GABRB3: variants seen among roughly 807,000 people sequenced by gnomAD.
GABRB3 encodes the protein gamma-aminobutyric acid type A receptor subunit beta3.
A neutral mutation model predicts 52.1 loss-of-function variants in GABRB3; 14 were observed. The ratio of observed to expected loss-of-function variants is 0.27; its 90% confidence interval spans 0.18 to 0.42. The LOEUF (loss-of-function observed/expected upper bound fraction) is 0.42. Among genes scored for constraint, GABRB3 ranks in the 10% least tolerant of loss-of-function variants. The probability of loss-of-function intolerance (pLI) is 1.00; values close to 1 mark genes in which losing one functional copy is unlikely to be tolerated. For missense variants in GABRB3, 307 were observed against 609.1 expected, an observed-to-expected ratio of 0.50 and a Z score of 5.22; for synonymous variants, 260 against 232.3, an observed-to-expected ratio of 1.12 and a Z score of -1.08.
chr15:26,608,068 C>T (rs1023355246), intron 4 of GABRB3, among the ~76,000 whole-genome samples: 3 of 138,138 alleles, frequency 2.2e-5, no homozygotes, highest in South Asian at 2.3e-4. Flanking sequence ...AACTATACTA[C>T]AAAGCTATAG....
intron 3 of GABRB3, among the ~76,000 whole-genome samples, chr15:26,692,691 A>G (rs189413807): frequency 6.6e-6 from 1 of 152,320 alleles, no homozygotes; most frequent in Admixed American, 6.5e-5. Flanking sequence ...TTTAGTCACA[A>G]GTCTACATGT....
chr15:26,629,763 T>TA (rs1892861145), intron 3 of GABRB3, among the ~76,000 whole-genome samples: 1 of 152,146 alleles, frequency 6.6e-6, no homozygotes, highest in South Asian at 2.1e-4. Context: ...ACTACAGTCT[T>TA]AGTGGGAGTT....
chr15:26,584,507 T>G (rs1890907296), intron 4 of GABRB3, among the ~76,000 whole-genome samples: 2 of 152,214 alleles, frequency 1.3e-5, no homozygotes, highest in South Asian at 4.1e-4. Context: ...CATCTATCTT[T>G]TCAAAACAAA....
At chr15:26,617,329 G>A (rs4906684) in intron 4 of GABRB3, among the ~76,000 whole-genome samples, 1 of 151,948 alleles carries the variant, frequency 6.6e-6, no homozygotes, top group Non-Finnish European at 1.5e-5. Flanking sequence ...ATAAAGTGGG[G>A]TTCATCCCTG....
chr15:26,703,011 A>C (rs1466405953), intron 3 of GABRB3, among the ~76,000 whole-genome samples: 1 of 152,110 alleles, frequency 6.6e-6, no homozygotes, highest in African/African-American at 2.4e-5. Context: ...CTTTAATCTC[A>C]CATGGTGGAA....
chr15:26,693,272 GC>G (rs1888640881), intron 3 of GABRB3, among the ~76,000 whole-genome samples: 1 of 152,192 alleles, frequency 6.6e-6, no homozygotes, highest in African/African-American at 2.4e-5. Context: ...TTATTGAGTT[GC>G]CTGAATTCAC....
intron 3 of GABRB3, among the ~76,000 whole-genome samples, chr15:26,718,913 G>A (rs1205693627): frequency 6.6e-6 from 1 of 151,610 alleles, no homozygotes; most frequent in African/African-American, 2.4e-5. Context: ...CCCCACACTT[G>A]CTGCTGACAT....
chr15:26,554,102 G>A (rs58123797), intron 8 of GABRB3, among the ~76,000 whole-genome samples: 1,871 of 19,218 alleles, frequency 0.097, 198 homozygotes, highest in African/African-American at 0.3. Context: ...TGTATAAAGT[G>A]TGTGTATATA....
At chr15:26,615,868 G>C in intron 4 of GABRB3, 2 of 1,242,558 alleles carry the variant, frequency 1.6e-6, no homozygotes, top group South Asian at 2.8e-5. Flanking sequence ...CAGTGATACA[G>C]CCAGTCCAAC....
chr15:26,758,448 A>G (rs1387043428), intron 3 of GABRB3, among the ~76,000 whole-genome samples: 1 of 152,248 alleles, frequency 6.6e-6, no homozygotes, highest in Non-Finnish European at 1.5e-5. Context: ...AAGAGAAAAA[A>G]TACTGAGCCA....
At chr15:26,671,314 ACT>A (rs1276241799) in intron 3 of GABRB3, among the ~76,000 whole-genome samples, 1 of 152,224 alleles carries the variant, frequency 6.6e-6, no homozygotes, top group Admixed American at 6.5e-5. Flanking sequence ...TCATTATGCT[ACT>A]CAAGTATCTG....
intron 6 of GABRB3, 21 bp from the exon 7 acceptor site, chr15:26,567,754 T>C: frequency 1.9e-6 from 3 of 1,612,688 alleles, no homozygotes; most frequent in Non-Finnish European, 2.5e-6. Flanking sequence ...CAGACAAGGA[T>C]ATTACACTGG....
At chr15:26,739,694 C>T (rs1890153365) in intron 3 of GABRB3, among the ~76,000 whole-genome samples, 2 of 152,032 alleles carry the variant, frequency 1.3e-5, no homozygotes, top group South Asian at 2.1e-4. Flanking sequence ...TTTATTGATA[C>T]ATAATAGATG....
chr15:26,563,580 A>C (rs1017254739), intron 7 of GABRB3, among the ~76,000 whole-genome samples: 3 of 152,232 alleles, frequency 2.0e-5, no homozygotes, highest in African/African-American at 7.2e-5. Context: ...AGCTGTTGGA[A>C]ATCTAATGGC....
chr15:26,616,344 C>T (rs1034501000), intron 4 of GABRB3, among the ~76,000 whole-genome samples: 13 of 152,258 alleles, frequency 8.5e-5, no homozygotes, highest in African/African-American at 2.6e-4. Flanking sequence ...TATTAATTTG[C>T]TCTTTTGTCC....
chr15:26,648,149 C>A (rs545379883), intron 3 of GABRB3, among the ~76,000 whole-genome samples: 1 of 152,270 alleles, frequency 6.6e-6, no homozygotes, highest in East Asian at 1.9e-4. Flanking sequence ...AACTCCCCTG[C>A]CCCTAGCCCC....
At chr15:26,616,153 A>G (rs1892249393) in intron 4 of GABRB3, 1 of 1,154,458 alleles carries the variant, frequency 8.7e-7, no homozygotes, top group Non-Finnish European at 1.2e-6. Context: ...GCAACAGTAA[A>G]AAGACACGGG....
chr15:26,646,811 T>A (rs1023544965), intron 3 of GABRB3, among the ~76,000 whole-genome samples: 1 of 152,180 alleles, frequency 6.6e-6, no homozygotes, highest in Non-Finnish European at 1.5e-5. Context: ...ATGTTAACTG[T>A]CTTTTCCCTA....
intron 6 of GABRB3, among the ~76,000 whole-genome samples, chr15:26,570,268 C>G (rs1428592109): frequency 3.7e-4 from 57 of 152,182 alleles, no homozygotes; most frequent in Admixed American, 3.7e-3. Context: ...AAACAGCAAA[C>G]CGGTTTCTCC....
Sources: allele counts gnomAD v4.1 joint callset (sites outside exome capture counted in the v4.1 genomes callset), GRCh38; gene constraint gnomAD v4.1.1; transcripts MANE v1.5; gene names NCBI Gene and HGNC (gene_info 2026-07-23, HGNC 2026-07-21).